Variants in IGF1 observed in about 807,000 individuals in gnomAD.
IGF1 encodes the protein insulin like growth factor 1.
A neutral mutation model predicts 13.8 loss-of-function variants in IGF1; 4 were observed. The observed-to-expected ratio is 0.29, with a 90% CI of 0.14 to 0.66. The LOEUF is 0.66. Ranked by LOEUF, IGF1 falls within the 30% of genes least tolerant of loss-of-function variation. The pLI is 0.78. For synonymous variants in IGF1, 76 were observed against 72.6 expected (o/e 1.05, Z -0.23); for missense variants, 124 against 188.5 (o/e 0.66, Z 2.00).
At chr12:102,466,776 G>A (rs983222079) in intron 2 of IGF1, among the ~76,000 whole-genome samples, 5 of 152,168 alleles carry the variant, frequency 3.3e-5, no homozygotes, top group African/African-American at 9.6e-5. Context: ...GGTGGCATGC[G>A]CCTATGGTCC....
At chr12:102,440,292 C>G (rs1877602991) in intron 2 of IGF1, among the ~76,000 whole-genome samples, 1 of 152,190 alleles carries the variant, frequency 6.6e-6, no homozygotes, top group Non-Finnish European at 1.5e-5. Context: ...AGCTTTGGTC[C>G]TGATGGGCCT....
Position 102,399,001 on chromosome 12 carries a change from GA to G in IGF1, c.*3505del, listed in dbSNP as rs1206038633. 6.6e-6 allele frequency: 1 copy of G among 152,426 alleles called. No homozygotes were observed. Among genetic ancestry groups the G allele is most frequent in the Admixed American group, 6.6e-5 (1 of 15,232 alleles). 9.4% of individuals were successfully genotyped at this position (152,426 alleles called of 1,614,324 possible). A position where few individuals can be genotyped will look rare whatever the true frequency, so the allele number is the denominator to read the frequency against. ...ACAAACATTGACGTTCCAAGGAGAG[GA>G]AGGATTCTCAAGGGTGGACAGGCTT... On this transcript the variant is annotated 3_prime_UTR_variant, in exon 4 of 4. Transcript: ENST00000337514.
rs992651977 is a variant in IGF1, at chr12:102,452,318, A to T, written c.220+23325T>A. On this transcript the variant is annotated intron_variant, in intron 2 of 3. Coordinates refer to ENST00000337514, the MANE Select transcript of IGF1 (RefSeq NM_000618.5). ...TATGTCTACTTCTTCTGCCATGATAAGTTTCCTGAGGCCTCTGCTGCCATG... is the reference window on the plus strand; with the variant it reads ...TATGTCTACTTCTTCTGCCATGATATGTTTCCTGAGGCCTCTGCTGCCATG... 5.3e-5 allele frequency among the ~76,000 whole-genome samples: 8 copies of T among 150,264 alleles called. No individual in the cohort carries two copies. In the South Asian group the frequency reaches 1.7e-3, roughly 32 times the overall value.
At chr12:102,442,436 T>C (rs1425314984) in intron 2 of IGF1, among the ~76,000 whole-genome samples, 1 of 152,096 alleles carries the variant, frequency 6.6e-6, no homozygotes, top group Non-Finnish European at 1.5e-5. Context: ...AATAGGTACC[T>C]TTTTCTTCAC....
intron 2 of IGF1, among the ~76,000 whole-genome samples, chr12:102,446,354 G>A (rs1878327343): frequency 6.6e-6 from 1 of 151,972 alleles, no homozygotes; most frequent in South Asian, 2.1e-4. Flanking sequence ...TCTGGTCCTG[G>A]GTTTTTTTTT....
Position 102,397,992 on chromosome 12 carries a change from G to T in IGF1, c.*4515C>A, listed in dbSNP as rs886664589. On this transcript the variant is annotated 3_prime_UTR_variant, in exon 4 of 4. Coordinates refer to ENST00000337514, the MANE Select transcript of IGF1 (RefSeq NM_000618.5). ...GCCTATAGTTTTAAAGAGTCTATGT[G>T]GGTTTAACTTATTATTCCTCATTCT... 2 of 151,390 alleles carry T rather than the reference G, an allele frequency of 1.3e-5. No homozygotes were observed. The highest frequency in any genetic ancestry group is 1.3e-4 in the Admixed American group (2 of 15,150). The allele number at this position is 151,390 out of a possible 1,614,324, so 9.4% of individuals were successfully genotyped here.
At position 102,475,743 on chromosome 12, in the gene IGF1, G is replaced by T; in HGVS notation, c.120C>A (p.Leu40=). ...CAGCCGTGGCAGAGCTGGTGAAGGTGAGCAGGCACAGCGCCAGGTAGAAGA... is the reference window on the plus strand; with the variant it reads ...CAGCCGTGGCAGAGCTGGTGAAGGTTAGCAGGCACAGCGCCAGGTAGAAGA... ...SHLFYLALCL[L]TFTSSATAGP... Residue 40 remains leucine (L), a synonymous_variant, in exon 2 of 4, where the codon CTC becomes CTA. Coordinates refer to ENST00000337514, the MANE Select transcript of IGF1 (RefSeq NM_000618.5). 6.2e-7 allele frequency: 1 copy of T among 1,614,200 alleles called. No homozygotes were observed. The highest frequency in any genetic ancestry group is 1.7e-5 in the Admixed American group (1 of 60,038).
At chr12:102,471,589 C>T (rs193169226) in intron 2 of IGF1, among the ~76,000 whole-genome samples, 4 of 152,284 alleles carry the variant, frequency 2.6e-5, no homozygotes, top group Admixed American at 2.6e-4. Context: ...TTCGTTTATT[C>T]AGACCTGTTC....
chr12:102,403,437 A>G (rs1255648325), intron 3 of IGF1, among the ~76,000 whole-genome samples: 1 of 151,596 alleles, frequency 6.6e-6, no homozygotes, highest in Non-Finnish European at 1.5e-5. Context: ...TCAACAAGCA[A>G]TGATGTTATC....
chr12:102,441,915 C>CCCTCTTCTTCTTCTTCTTCTTCTT (rs1877797121), intron 2 of IGF1, among the ~76,000 whole-genome samples: 23 of 122,140 alleles, frequency 1.9e-4, no homozygotes, highest in African/African-American at 7.1e-4. Context: ...TGCTTCTTCT[C>CCCTCTTCTTCTTCTTCTTCTTCTT]CTTCTTCTTC....
chr12:102,402,701 C>T, intron 3 of IGF1, 135 bp from the exon 4 acceptor site: 1 of 716,810 alleles, frequency 1.4e-6, no homozygotes, highest in South Asian at 1.4e-5. Context: ...CCTTGGTTTT[C>T]CTGAGAAGGG....
chr12:102,465,635 T>A (rs1880246187), intron 2 of IGF1, among the ~76,000 whole-genome samples: 1 of 152,178 alleles, frequency 6.6e-6, no homozygotes, highest in South Asian at 2.1e-4. Flanking sequence ...CAGCCACATA[T>A]GTTAAGGTCA....
At chr12:102,464,833 A>C (rs1880188086) in intron 2 of IGF1, among the ~76,000 whole-genome samples, 1 of 152,240 alleles carries the variant, frequency 6.6e-6, no homozygotes, top group Non-Finnish European at 1.5e-5. Context: ...CTGATTAGTG[A>C]GTACATTTCC....
At chr12:102,441,958 T>TTCTTCTTCTTCTTCTTCTTCTTCTCC in intron 2 of IGF1, among the ~76,000 whole-genome samples, 2 of 41,192 alleles carry the variant, frequency 4.9e-5, no homozygotes, top group South Asian at 1.6e-3. Flanking sequence ...TCTTCTTCTT[T>TTCTTCTTCTTCTTCTTCTTCTTCTCC]TTTTTTTTTG....
At chr12:102,469,113 G>A (rs1041244164) in intron 2 of IGF1, among the ~76,000 whole-genome samples, 9 of 152,314 alleles carry the variant, frequency 5.9e-5, no homozygotes, top group South Asian at 2.1e-4. Flanking sequence ...CAAACAGCTC[G>A]TTGAGTAATA....
chr12:102,444,482 A>C (rs575178509), intron 2 of IGF1, among the ~76,000 whole-genome samples: 1 of 152,200 alleles, frequency 6.6e-6, no homozygotes, highest in South Asian at 2.1e-4. Flanking sequence ...GGCACCCTCC[A>C]TGAGCAGTCA....
chr12:102,459,579 T>A (rs1241551276), intron 2 of IGF1, among the ~76,000 whole-genome samples: 1 of 152,094 alleles, frequency 6.6e-6, no homozygotes. Context: ...TCCACTGTGC[T>A]CAACACTTAG....
intron 3 of IGF1, among the ~76,000 whole-genome samples, chr12:102,405,715 A>G (rs1874097199): frequency 6.6e-6 from 1 of 152,264 alleles, no homozygotes; most frequent in African/African-American, 2.4e-5. Context: ...GAAAATATTC[A>G]GGAATGAAAT....
chr12:102,473,544 G>A (rs528323945), intron 2 of IGF1, among the ~76,000 whole-genome samples: 3 of 152,280 alleles, frequency 2.0e-5, no homozygotes, highest in Admixed American at 1.3e-4. Flanking sequence ...ATTAACATAA[G>A]TCATGGAATT....
Sources: gnomAD v4.1 joint callset for allele counts (sites outside exome capture counted in the v4.1 genomes callset) on GRCh38, gnomAD v4.1.1 for gene constraint, MANE v1.5 for transcripts, NCBI Gene and HGNC (gene_info 2026-07-23, HGNC 2026-07-21) for gene names.